CCDC91: variants seen among roughly 807,000 people sequenced by gnomAD.
The protein encoded by CCDC91 is coiled-coil domain containing 91.
CCDC91 carries 48 observed loss-of-function variants against 63.2 expected under a neutral mutation model. The ratio of observed to expected loss-of-function variants is 0.76; its 90% CI spans 0.60 to 0.97. The LOEUF is 0.97. Ranked by LOEUF, CCDC91 falls within the 50% of genes least tolerant of loss-of-function variation. The probability of loss-of-function intolerance (pLI) is 0.00; values close to 1 mark genes in which losing one functional copy is unlikely to be tolerated. For missense variants in CCDC91, 500 were observed against 494.6 expected, an observed-to-expected ratio of 1.01 and a Z score of -0.10; for synonymous variants, 167 against 165.8, an observed-to-expected ratio of 1.01 and a Z score of -0.06.
intron 1 of CCDC91, among the ~76,000 whole-genome samples, chr12:28,213,919 C>T (rs540051597): frequency 1.6e-4 from 25 of 152,238 alleles, no homozygotes; most frequent in African/African-American, 5.8e-4. Flanking sequence ...GCAGGATTCT[C>T]CAGAAGGCTG....
At chr12:28,536,260 T>G (rs2141707864) in intron 12 of CCDC91, among the ~76,000 whole-genome samples, 1 of 152,276 alleles carries the variant, frequency 6.6e-6, no homozygotes, top group East Asian at 1.9e-4. Flanking sequence ...GCTCATAGAT[T>G]CCACAGTTAT....
chr12:28,324,362 G>C (rs1940789666), intron 6 of CCDC91, among the ~76,000 whole-genome samples: 1 of 151,804 alleles, frequency 6.6e-6, no homozygotes, highest in Admixed American at 6.6e-5. Flanking sequence ...ACAGCAAAGT[G>C]GGGAGGGGGA....
intron 12 of CCDC91, among the ~76,000 whole-genome samples, chr12:28,524,395 T>G (rs1215955804): frequency 6.6e-6 from 1 of 152,132 alleles, no homozygotes; most frequent in Non-Finnish European, 1.5e-5. Flanking sequence ...TTATGTGGTG[T>G]ATCACATTTA....
chr12:28,385,831 G>A (rs1945563826), intron 7 of CCDC91, among the ~76,000 whole-genome samples: 1 of 152,098 alleles, frequency 6.6e-6, no homozygotes, highest in Non-Finnish European at 1.5e-5. Flanking sequence ...CTGTAGTCTG[G>A]GTTGCAGTAG....
intron 12 of CCDC91, 34 bp downstream of exon 12, chr12:28,484,199 T>C: frequency 5.0e-6 from 6 of 1,202,948 alleles, no homozygotes; most frequent in Non-Finnish European, 7.2e-6. Context: ...AATTTGTGCT[T>C]CAATAAACTG....
At chr12:28,209,540 C>T (rs2135497423) in intron 1 of CCDC91, among the ~76,000 whole-genome samples, 1 of 152,234 alleles carries the variant, frequency 6.6e-6, no homozygotes, top group African/African-American at 2.4e-5. Context: ...AAGTGATTCT[C>T]CTGCCTCAGC....
intron 8 of CCDC91, among the ~76,000 whole-genome samples, chr12:28,439,733 CTT>C (rs71438747): frequency 0.012 from 1,658 of 132,986 alleles, 30 homozygotes; most frequent in African/African-American, 0.044. Flanking sequence ...TTTCTTTTTT[CTT>C]TTTTTTTTTT....
At chr12:28,533,536 A>G (rs568664084) in intron 12 of CCDC91, among the ~76,000 whole-genome samples, 1 of 152,156 alleles carries the variant, frequency 6.6e-6, no homozygotes, top group African/African-American at 2.4e-5. Context: ...ATTACTTATT[A>G]TTGGTAACTA....
At chr12:28,220,005 G>T (rs917647072) in intron 1 of CCDC91, among the ~76,000 whole-genome samples, 52 of 151,952 alleles carry the variant, frequency 3.4e-4, no homozygotes, top group African/African-American at 1.2e-3. Context: ...AGTAAAAGTG[G>T]TTTTTTTGTA....
chr12:28,534,945 A>C (rs1250613287), intron 12 of CCDC91, among the ~76,000 whole-genome samples: 1 of 152,172 alleles, frequency 6.6e-6, no homozygotes, highest in East Asian at 1.9e-4. Context: ...ATTTTTGGTA[A>C]AGTTTGTGTG....
chr12:28,503,130 A>C (rs562252057), intron 12 of CCDC91, among the ~76,000 whole-genome samples: 1 of 152,324 alleles, frequency 6.6e-6, no homozygotes, highest in African/African-American at 2.4e-5. Context: ...AGAAACTACC[A>C]TCAGAATGAA....
At chr12:28,219,459 A>C (rs554957305) in intron 1 of CCDC91, among the ~76,000 whole-genome samples, 20 of 149,838 alleles carry the variant, frequency 1.3e-4, no homozygotes, top group African/African-American at 4.7e-4. Flanking sequence ...AAAATTTACC[A>C]GTGTAACCAT....
At chr12:28,219,001 A>G (rs1337453322) in intron 1 of CCDC91, among the ~76,000 whole-genome samples, 1 of 152,136 alleles carries the variant, frequency 6.6e-6, no homozygotes, top group African/African-American at 2.4e-5. Flanking sequence ...TGGCAAGTGT[A>G]TGTTTAACAT....
At chr12:28,371,633 C>T (rs979547604) in intron 7 of CCDC91, among the ~76,000 whole-genome samples, 7 of 152,204 alleles carry the variant, frequency 4.6e-5, no homozygotes, top group African/African-American at 1.7e-4. Flanking sequence ...TCCAATTATG[C>T]TGTCATTTAA....
chr12:28,504,727 G>A (rs1256367684), intron 12 of CCDC91, among the ~76,000 whole-genome samples: 2 of 151,846 alleles, frequency 1.3e-5, no homozygotes, highest in African/African-American at 2.4e-5. Flanking sequence ...CACAAGCTAC[G>A]TATGTAGGCA....
chr12:28,248,971 G>A (rs529635701), intron 1 of CCDC91, among the ~76,000 whole-genome samples: 6 of 152,320 alleles, frequency 3.9e-5, no homozygotes, highest in Admixed American at 1.3e-4. Flanking sequence ...TTTGTGAGCA[G>A]AATGAGTTGT....
intron 7 of CCDC91, among the ~76,000 whole-genome samples, chr12:28,388,796 C>T (rs906369181): frequency 6.6e-6 from 1 of 152,112 alleles, no homozygotes; most frequent in Non-Finnish European, 1.5e-5. Flanking sequence ...GGATAATTGG[C>T]AAGCCACATC....
intron 8 of CCDC91, among the ~76,000 whole-genome samples, chr12:28,402,714 C>A (rs906309541): frequency 4.6e-5 from 7 of 151,896 alleles, no homozygotes; most frequent in Non-Finnish European, 1.0e-4. Context: ...GGAATACTTG[C>A]CTTATTCCTG....
intron 1 of CCDC91, among the ~76,000 whole-genome samples, chr12:28,214,663 T>C (rs1943452533): frequency 6.6e-6 from 1 of 152,186 alleles, no homozygotes; most frequent in Admixed American, 6.5e-5. Flanking sequence ...TATATAATAG[T>C]ATTTAAGTAT....
Sources: allele counts gnomAD v4.1 joint callset (sites outside exome capture counted in the v4.1 genomes callset), GRCh38; gene constraint gnomAD v4.1.1; transcripts MANE v1.5; gene names NCBI Gene and HGNC (gene_info 2026-07-23, HGNC 2026-07-21).